Variants in AGBL1 observed in about 807,000 individuals in gnomAD.
AGBL1 encodes the protein cytosolic carboxypeptidase 4.
Under a neutral mutation model 118.9 loss-of-function variants are expected in AGBL1, and 130 were observed. That is an observed-to-expected ratio of 1.09 (90% CI 0.95 to 1.26). The LOEUF is 1.26. AGBL1 is among the 50% of genes most tolerant of loss of function. AGBL1 has a pLI of 0.00. For missense variants in AGBL1, 1,584 were observed against 1,298.1 expected, an observed-to-expected ratio of 1.22 and a Z score of -3.38; for synonymous variants, 555 against 478.9, an observed-to-expected ratio of 1.16 and a Z score of -2.08.
chr15:86,974,538 A>T (rs2081151852), intron 23 of AGBL1, among the ~76,000 whole-genome samples: 1 of 130,586 alleles, frequency 7.7e-6, no homozygotes, highest in African/African-American at 2.7e-5. Context: ...TTAAATATAT[A>T]AAAATTATAT....
intron 22 of AGBL1, among the ~76,000 whole-genome samples, chr15:86,811,348 A>G (rs1419850354): frequency 6.6e-6 from 1 of 152,228 alleles, no homozygotes; most frequent in African/African-American, 2.4e-5. Flanking sequence ...TCAGAAGGCT[A>G]CTGGAAAAGT....
chr15:86,276,672 C>T (rs189335019), intron 15 of AGBL1, among the ~76,000 whole-genome samples: 2 of 152,126 alleles, frequency 1.3e-5, no homozygotes, highest in Non-Finnish European at 2.9e-5. Flanking sequence ...AGAGGAAACA[C>T]TTGAGTTAAA....
intron 22 of AGBL1, among the ~76,000 whole-genome samples, chr15:86,841,020 C>T (rs1304053792): frequency 6.6e-6 from 1 of 152,024 alleles, no homozygotes; most frequent in African/African-American, 2.4e-5. Context: ...TACTTTTTTT[C>T]AGTAATAATT....
chr15:86,475,121 G>A (rs2082538666), intron 18 of AGBL1, among the ~76,000 whole-genome samples: 1 of 152,074 alleles, frequency 6.6e-6, no homozygotes, highest in Non-Finnish European at 1.5e-5. Flanking sequence ...ACAAAAGTGG[G>A]GAAAAAACAG....
At chr15:86,572,621 C>T (rs531045706) in intron 21 of AGBL1, among the ~76,000 whole-genome samples, 3 of 152,286 alleles carry the variant, frequency 2.0e-5, no homozygotes, top group South Asian at 4.1e-4. Context: ...AGGCTCTGGG[C>T]CTAGGAGTGG....
At chr15:86,136,418 A>G (rs960328466) in intron 1 of AGBL1, among the ~76,000 whole-genome samples, 4 of 152,308 alleles carry the variant, frequency 2.6e-5, no homozygotes, top group South Asian at 2.1e-4. Flanking sequence ...TGGGGCACCA[A>G]TCATGTTGTA....
At chr15:86,109,366 A>G (rs1308680472) in intron 1 of AGBL1, among the ~76,000 whole-genome samples, 1 of 152,242 alleles carries the variant, frequency 6.6e-6, no homozygotes, top group South Asian at 2.1e-4. Context: ...GACAAATACC[A>G]CAAGCTTCAC....
intron 22 of AGBL1, among the ~76,000 whole-genome samples, chr15:86,892,442 A>T (rs915918038): frequency 3.3e-5 from 5 of 152,160 alleles, no homozygotes; most frequent in Admixed American, 6.6e-5. Context: ...TTATCTATAA[A>T]TATTTGTTGA....
At chr15:86,303,280 A>G (rs2079783570) in intron 17 of AGBL1, among the ~76,000 whole-genome samples, 1 of 152,166 alleles carries the variant, frequency 6.6e-6, no homozygotes, top group Non-Finnish European at 1.5e-5. Flanking sequence ...GTGTTCAAGA[A>G]ATATTATCAG....
intron 24 of AGBL1, among the ~76,000 whole-genome samples, chr15:87,012,973 C>G (rs774933959): frequency 5.9e-5 from 9 of 152,076 alleles, no homozygotes; most frequent in Non-Finnish European, 1.2e-4. Flanking sequence ...AATCTTCAAC[C>G]TTGTCCTGGA....
At chr15:86,520,253 G>C (rs1301388955) in intron 18 of AGBL1, among the ~76,000 whole-genome samples, 1 of 152,200 alleles carries the variant, frequency 6.6e-6, no homozygotes, top group Non-Finnish European at 1.5e-5. Context: ...CATGCACACA[G>C]ACATAGGTAG....
At chr15:86,642,403 T>C (rs1428035684) in intron 21 of AGBL1, among the ~76,000 whole-genome samples, 3 of 152,170 alleles carry the variant, frequency 2.0e-5, no homozygotes, top group East Asian at 3.9e-4. Context: ...TGTTTAAGAA[T>C]TGACGAGACA....
At chr15:86,523,066 G>T in intron 19 of AGBL1, 127 bp downstream of exon 19, 1 of 1,157,114 alleles carries the variant, frequency 8.6e-7, no homozygotes, top group South Asian at 1.4e-5. Flanking sequence ...ATAGAATGGA[G>T]GATGCATGGT....
At chr15:86,736,149 G>A (rs188247476) in intron 22 of AGBL1, among the ~76,000 whole-genome samples, 4 of 152,214 alleles carry the variant, frequency 2.6e-5, no homozygotes, top group African/African-American at 4.8e-5. Flanking sequence ...TTGAGAGGCC[G>A]AGGTGGGCAG....
intron 6 of AGBL1, among the ~76,000 whole-genome samples, chr15:86,236,377 A>T (rs1597601803): frequency 6.6e-6 from 1 of 150,690 alleles, no homozygotes; most frequent in East Asian, 2.0e-4. Context: ...TAGGGGATGA[A>T]GCATCCAAAT....
At chr15:86,917,741 T>C (rs59316297), downstream of AGBL1, among the ~76,000 whole-genome samples, 11,259 of 151,256 alleles carry the variant, frequency 0.074, 640 homozygotes, top group African/African-American at 0.16. The surrounding 1 kb of genome is among the most constrained non-coding windows in gnomAD (Gnocchi z 4.8). Flanking sequence ...GTACCAAAGA[T>C]TCGGGGAGTG....
At chr15:86,813,191 A>G (rs1474174041) in intron 22 of AGBL1, among the ~76,000 whole-genome samples, 1 of 93,950 alleles carries the variant, frequency 1.1e-5, no homozygotes, top group Non-Finnish European at 2.4e-5. Flanking sequence ...GATGGGTCAC[A>G]CCTTTGAGGG....
intron 17 of AGBL1, among the ~76,000 whole-genome samples, chr15:86,328,123 A>G (rs1481908847): frequency 6.6e-6 from 1 of 152,210 alleles, no homozygotes. Flanking sequence ...TCCTGTTCCT[A>G]TGGATATTTG....
intron 23 of AGBL1, among the ~76,000 whole-genome samples, chr15:86,924,395 T>A (rs1239027212): frequency 6.6e-6 from 1 of 152,250 alleles, no homozygotes; most frequent in African/African-American, 2.4e-5. Context: ...TGCCCAGACC[T>A]CATTGATTTG....
Sources: allele counts gnomAD v4.1 joint callset (sites outside exome capture counted in the v4.1 genomes callset), GRCh38; gene constraint gnomAD v4.1.1; non-coding constraint Gnocchi (gnomAD v3.1); transcripts MANE v1.5; gene names NCBI Gene and HGNC (gene_info 2026-07-23, HGNC 2026-07-21).